The following ENOX1 variants were observed in gnomAD, a reference collection of about 807,000 sequenced individuals.
ENOX1 encodes the protein candidate growth-related and time keeping constitutive hydroquinone (NADH) oxidase.
In ENOX1, 42 loss-of-function variants were observed where a neutral mutation model predicts 82.5. That is an observed-to-expected ratio of 0.51 (90% CI 0.40 to 0.66). The LOEUF (loss-of-function observed/expected upper bound fraction) is 0.66. ENOX1 is among the 30% of genes least tolerant of loss of function. The pLI, the probability that ENOX1 is intolerant of heterozygous loss-of-function variation, is 0.00. For missense variants in ENOX1, 608 were observed against 811.6 expected (o/e 0.75, Z 3.05); for synonymous variants, 271 against 282.2 (o/e 0.96, Z 0.40).
At chr13:43,389,941 C>T (rs1555254922) in intron 5 of ENOX1, among the ~76,000 whole-genome samples, 2 of 151,708 alleles carry the variant, frequency 1.3e-5, no homozygotes, top group Non-Finnish European at 2.9e-5. Context: ...AAGGGGAGAA[C>T]AAAAAAAATT....
chr13:43,465,710 G>A (rs539613466), intron 3 of ENOX1, among the ~76,000 whole-genome samples: 5 of 152,232 alleles, frequency 3.3e-5, no homozygotes, highest in South Asian at 2.1e-4. Flanking sequence ...GTGTCTGTCC[G>A]TATGCATATT....
At chr13:43,315,411 T>C (rs947709862) in intron 11 of ENOX1, among the ~76,000 whole-genome samples, 5 of 152,184 alleles carry the variant, frequency 3.3e-5, no homozygotes, top group Non-Finnish European at 5.9e-5. Flanking sequence ...GTATTGCTTA[T>C]AAATGAAAAC....
At chr13:43,592,056 C>A (rs1402811979) in intron 2 of ENOX1, among the ~76,000 whole-genome samples, 2 of 152,158 alleles carry the variant, frequency 1.3e-5, no homozygotes. Flanking sequence ...GGGCCAGTTA[C>A]CCCTAATGAT....
intron 2 of ENOX1, among the ~76,000 whole-genome samples, chr13:43,612,637 A>G (rs934756630): frequency 1.3e-5 from 2 of 152,140 alleles, no homozygotes; most frequent in Non-Finnish European, 2.9e-5. Flanking sequence ...CTTGAAAATT[A>G]ATGCTTTTTC....
At position 43,322,419 on chromosome 13, in the gene ENOX1, T is replaced by A. The variant is rs754094982; in HGVS notation, c.1226A>T (p.Asp409Val). 1 of 1,614,130 alleles carries A rather than the reference T, an allele frequency of 6.2e-7. No homozygotes were observed. ...EMEMSDDENC[D>V]SPTKKMRVDE... ...GACTCTCATTTTCTTTGTAGGGCTG[T>A]CACAGTTCTCATCATCAGACATTTC... Residue 409 changes from aspartate to valine, a missense_variant, in exon 11 of 17, where the codon GAC (aspartate) becomes GTC (valine). Physicochemically the swap from Asp to Val is radical, Grantham distance 152. Coordinates refer to ENST00000690772, the MANE Select transcript of ENOX1 (RefSeq NM_001347969.2).
chr13:43,391,303 G>C (rs9533472), intron 5 of ENOX1, among the ~76,000 whole-genome samples: 29,770 of 151,934 alleles, frequency 0.2, 3,564 homozygotes, highest in East Asian at 0.52. Context: ...ATAACTGCTG[G>C]AAGTTTTCAA....
chr13:43,272,832 C>G (rs979534029), intron 12 of ENOX1, among the ~76,000 whole-genome samples: 1 of 152,088 alleles, frequency 6.6e-6, no homozygotes, highest in African/African-American at 2.4e-5. Flanking sequence ...ACCACTGTAT[C>G]CTGAAATGCT....
At chr13:43,549,215 A>T (rs2080432565) in intron 2 of ENOX1, among the ~76,000 whole-genome samples, 1 of 152,250 alleles carries the variant, frequency 6.6e-6, no homozygotes, top group African/African-American at 2.4e-5. Context: ...TGTATCAATC[A>T]GTCCACTGTA....
At chr13:43,238,192 G>A (rs1016188581) in intron 14 of ENOX1, among the ~76,000 whole-genome samples, 1 of 152,174 alleles carries the variant, frequency 6.6e-6, no homozygotes. Context: ...GCTAAGTCTG[G>A]AGCCAGCTGT....
At chr13:43,775,217 T>C (rs1951848366) in intron 1 of ENOX1, among the ~76,000 whole-genome samples, 1 of 152,172 alleles carries the variant, frequency 6.6e-6, no homozygotes, top group African/African-American at 2.4e-5. Context: ...GGCATGATCA[T>C]AGCACACTAT....
At chr13:43,296,878 T>G (rs1253231800) in intron 12 of ENOX1, among the ~76,000 whole-genome samples, 1 of 152,218 alleles carries the variant, frequency 6.6e-6, no homozygotes, top group Admixed American at 6.5e-5. Flanking sequence ...GGGCTAGGTC[T>G]GGCGTCATGG....
chr13:43,214,206 T>G, intron 16 of ENOX1, 85 bp from the exon 17 acceptor site: 1 of 1,407,708 alleles, frequency 7.1e-7, no homozygotes, highest in Non-Finnish European at 9.8e-7. Context: ...GCTTTCCCAG[T>G]GATATGAACA....
chr13:43,554,942 T>C (rs2153701691), intron 2 of ENOX1, among the ~76,000 whole-genome samples: 1 of 152,326 alleles, frequency 6.6e-6, no homozygotes, highest in African/African-American at 2.4e-5. Context: ...TGTTTTCTTA[T>C]TTTCAAAACT....
At chr13:43,426,575 G>A (rs2055316241) in intron 3 of ENOX1, among the ~76,000 whole-genome samples, 1 of 151,976 alleles carries the variant, frequency 6.6e-6, no homozygotes, top group African/African-American at 2.4e-5. Context: ...CAATTTTATG[G>A]CTTATGATGA....
intron 11 of ENOX1, among the ~76,000 whole-genome samples, chr13:43,321,524 CT>C (rs1157827004): frequency 6.6e-6 from 1 of 152,178 alleles, no homozygotes; most frequent in Non-Finnish European, 1.5e-5. Context: ...ATTTTGGTTT[CT>C]TAATAAATTA....
At chr13:43,469,331 T>A (rs2057883752) in intron 3 of ENOX1, among the ~76,000 whole-genome samples, 2 of 152,038 alleles carry the variant, frequency 1.3e-5, no homozygotes, top group African/African-American at 4.8e-5. Flanking sequence ...TGGTGTATAG[T>A]CTTTTTTATA....
At chr13:43,468,630 A>T (rs1440752610) in intron 3 of ENOX1, among the ~76,000 whole-genome samples, 7 of 120,322 alleles carry the variant, frequency 5.8e-5, no homozygotes, top group African/African-American at 1.8e-4. Flanking sequence ...TTCTCCACAA[A>T]AAAGAAAAAA....
intron 3 of ENOX1, among the ~76,000 whole-genome samples, chr13:43,473,418 C>T (rs528965064): frequency 6.6e-6 from 1 of 152,180 alleles, no homozygotes; most frequent in African/African-American, 2.4e-5. Context: ...TGGCATTGTT[C>T]GGTAACTAAC....
chr13:43,730,194 T>TTC lies in ENOX1; in HGVS notation c.-285+56456_-285+56457dup, dbSNP rs1335206682. Among the ~76,000 whole-genome samples the TTC allele has an allele frequency of 3.3e-5, 5 of 152,322 alleles. No individual in the cohort carries two copies. In the South Asian group the frequency reaches 1.0e-3, roughly 32 times the overall value. On this transcript the variant is annotated intron_variant, in intron 1 of 16. Transcript: ENST00000690772. ...TGCTGTAGTTGGCTACCTTAAATAC[T>TTC]TCTGTAGGGGAGGAGCAAAGAAAAT...
Sources: allele counts gnomAD v4.1 joint callset (sites outside exome capture counted in the v4.1 genomes callset), GRCh38; gene constraint gnomAD v4.1.1; transcripts MANE v1.5; gene names NCBI Gene and HGNC (gene_info 2026-07-23, HGNC 2026-07-21).